PCNX2: variants seen among roughly 807,000 people sequenced by gnomAD.
The protein encoded by PCNX2 is pecanex-like protein 2.
A neutral mutation model predicts 223.8 loss-of-function variants in PCNX2; 168 were observed. That is an observed-to-expected ratio of 0.75 (90% CI 0.66 to 0.85). The LOEUF (loss-of-function observed/expected upper bound fraction) is 0.85. Ranked by LOEUF, PCNX2 falls within the 40% of genes least tolerant of loss-of-function variation. PCNX2 has a pLI of 0.00. For missense variants in PCNX2, 2,507 were observed against 2,675.5 expected (o/e 0.94, Z 1.39); for synonymous variants, 1,006 against 1,052.6 (o/e 0.96, Z 0.86).
At chr1:233,064,620 C>A (rs1672524693) in intron 23 of PCNX2, among the ~76,000 whole-genome samples, 1 of 152,160 alleles carries the variant, frequency 6.6e-6, no homozygotes, top group Non-Finnish European at 1.5e-5. Context: ...CGACCCACCA[C>A]CCACCCCATT....
rs1251129032 is a variant in PCNX2, at chr1:233,054,285, C to G, written c.4334G>C (p.Arg1445Pro). The G allele has an allele frequency of 2.5e-6, 4 of 1,613,508 alleles. No homozygotes were observed. Among genetic ancestry groups the G allele is most frequent in the Non-Finnish European group, 3.4e-6 (4 of 1,179,668 alleles). Residue 1445 changes from arginine to proline, a missense_variant, in exon 25 of 34, where the codon CGA (arginine) becomes CCA (proline). By Grantham distance (103) the Arg-to-Pro change is moderately radical. This residue lies in a region of PCNX2 where 1,372 missense variants were observed against 1,509.4 expected (regional missense o/e 0.91). Transcript: ENST00000258229. ...ATTCTTACCTCGGAATTCCAGTCCT[C>G]GAAGTTGAAAGGTGACAAGACCATT... ...IGNGLVTFQLRGLEFRGTYCQ... is the reference protein window; with the variant it reads ...IGNGLVTFQLPGLEFRGTYCQ...
intron 9 of PCNX2, among the ~76,000 whole-genome samples, chr1:233,228,510 C>A: frequency 6.6e-6 from 1 of 152,178 alleles, no homozygotes. Flanking sequence ...CTCCCCCCAG[C>A]CTCTGGTAAC....
chr1:233,298,777 T>C (rs1662210884), upstream of PCNX2, among the ~76,000 whole-genome samples: 1 of 152,032 alleles, frequency 6.6e-6, no homozygotes. Context: ...TAGTCCCAGC[T>C]ACTAGGGAGG....
At chr1:233,149,074 T>C (rs1677639670) in intron 19 of PCNX2, among the ~76,000 whole-genome samples, 2 of 152,330 alleles carry the variant, frequency 1.3e-5, no homozygotes, top group South Asian at 2.1e-4. Context: ...AAGTCTGCAA[T>C]GATATTTTGT....
At chr1:233,192,606 C>A (rs1340842979) in intron 15 of PCNX2, among the ~76,000 whole-genome samples, 1 of 151,870 alleles carries the variant, frequency 6.6e-6, no homozygotes, top group Non-Finnish European at 1.5e-5. Context: ...TTCTAAAGCA[C>A]ATTTACATCA....
intron 23 of PCNX2, among the ~76,000 whole-genome samples, chr1:233,088,669 T>TCACGGG (rs1673716839): frequency 6.6e-6 from 1 of 152,152 alleles, no homozygotes; most frequent in East Asian, 1.9e-4. Context: ...CTTCAACTCC[T>TCACGGG]CACGGGCCCG....
At chr1:233,042,963 C>T (rs962528062) in intron 25 of PCNX2, among the ~76,000 whole-genome samples, 1 of 152,172 alleles carries the variant, frequency 6.6e-6, no homozygotes, top group African/African-American at 2.4e-5. Flanking sequence ...GGTTAAGAGA[C>T]AGCCATGCGG....
chr1:233,231,077 A>G (rs1480180164), intron 9 of PCNX2, among the ~76,000 whole-genome samples: 2 of 152,152 alleles, frequency 1.3e-5, no homozygotes, highest in African/African-American at 4.8e-5. Flanking sequence ...TCAGTTTTCT[A>G]AAAGAAACTG....
chr1:233,024,732 C>A (rs1671022619), intron 26 of PCNX2, among the ~76,000 whole-genome samples: 1 of 152,198 alleles, frequency 6.6e-6, no homozygotes, highest in South Asian at 2.1e-4. Flanking sequence ...TTTGAGTTCT[C>A]CTTATGAGCT....
intron 23 of PCNX2, among the ~76,000 whole-genome samples, chr1:233,079,479 G>A (rs1213370225): frequency 7.1e-6 from 1 of 141,682 alleles, no homozygotes; most frequent in Non-Finnish European, 1.5e-5. Context: ...AATGAGCCGA[G>A]ATCATGCCAT....
chr1:233,305,491 G>A, the PCNX2 span, among the ~76,000 whole-genome samples: 1 of 152,002 alleles, frequency 6.6e-6, no homozygotes, highest in Admixed American at 6.6e-5. Context: ...CATCACCCAG[G>A]CTGGAGTGAA....
At chr1:233,234,656 T>A (rs1658278256) in intron 9 of PCNX2, among the ~76,000 whole-genome samples, 2 of 152,228 alleles carry the variant, frequency 1.3e-5, no homozygotes. Context: ...TTTGATAATC[T>A]AAAGTTTCTA....
At chr1:233,115,291 C>T (rs918820082) in intron 21 of PCNX2, among the ~76,000 whole-genome samples, 5 of 152,052 alleles carry the variant, frequency 3.3e-5, no homozygotes, top group African/African-American at 1.2e-4. Flanking sequence ...GCTCCCCCTA[C>T]CCCACACCTT....
chr1:233,090,297 G>A, intron 22 of PCNX2, 107 bp from the exon 23 acceptor site: 1 of 1,320,430 alleles, frequency 7.6e-7, no homozygotes. Flanking sequence ...TTCCACCAAA[G>A]AAAGAACAAA....
At chr1:233,020,673 AGAAACAATGACAG>A (rs1412492042) in intron 26 of PCNX2, among the ~76,000 whole-genome samples, 1 of 152,266 alleles carries the variant, frequency 6.6e-6, no homozygotes, top group Non-Finnish European at 1.5e-5. Flanking sequence ...AGAGCTGCCC[AGAAACAATGACAG>A]CAGGAGAGCC....
intron 1 of PCNX2, among the ~76,000 whole-genome samples, chr1:233,294,507 T>C (rs116814961): frequency 0.014 from 2,084 of 152,042 alleles, 43 homozygotes; most frequent in African/African-American, 0.046. Context: ...ATTTTTGCTG[T>C]AAAAAAAATG....
intron 21 of PCNX2, among the ~76,000 whole-genome samples, chr1:233,130,805 C>T (rs112548045): frequency 2.0e-5 from 3 of 150,470 alleles, no homozygotes; most frequent in African/African-American, 7.3e-5. Flanking sequence ...TTTTTTATTC[C>T]AGATCTGGCA....
At chr1:233,104,124 G>A (rs940581694) in intron 21 of PCNX2, among the ~76,000 whole-genome samples, 1 of 152,076 alleles carries the variant, frequency 6.6e-6, no homozygotes, top group South Asian at 2.1e-4. Context: ...AAGAAAAGGT[G>A]GAGAGACAAA....
chr1:233,153,279 C>T (rs1242227721), intron 19 of PCNX2, among the ~76,000 whole-genome samples: 1 of 152,002 alleles, frequency 6.6e-6, no homozygotes, highest in African/African-American at 2.4e-5. Flanking sequence ...AGCTTCACTC[C>T]AAAAAAGGGA....
Sources: gnomAD v4.1 joint callset for allele counts (sites outside exome capture counted in the v4.1 genomes callset) on GRCh38, gnomAD v4.1.1 for gene constraint, gnomAD v4.1.1 regional missense constraint, MANE v1.5 for transcripts, NCBI Gene and HGNC (gene_info 2026-07-23, HGNC 2026-07-21) for gene names.